The following GOLGA8S variants were observed in gnomAD, a reference collection of about 807,000 sequenced individuals.
The protein encoded by GOLGA8S is golgin A8 family member S, also known as golgin subfamily A member 8S.
A neutral mutation model predicts 58.9 loss-of-function variants in GOLGA8S; 23 were observed. The observed-to-expected ratio is 0.39, with a 90% CI of 0.28 to 0.55. The LOEUF (loss-of-function observed/expected upper bound fraction) is 0.55. GOLGA8S is among the 20% of genes least tolerant of loss of function. The pLI, the probability that GOLGA8S is intolerant of heterozygous loss-of-function variation, is 0.63. For synonymous variants in GOLGA8S, 84 were observed against 195.7 expected, an observed-to-expected ratio of 0.43 and a Z score of 4.76; for missense variants, 266 against 514.2, an observed-to-expected ratio of 0.52 and a Z score of 4.67.
At chr15:23,365,596 C>T (rs2069907401), downstream of GOLGA8S, 1 of 273,206 alleles carries the variant, frequency 3.7e-6, no homozygotes, top group South Asian at 4.0e-5. Context: ...TCTTCGTTAG[C>T]TCAATATGTA....
rs985340420 is a variant in GOLGA8S at position 23,362,764 on chromosome 15, C to T, written c.1180-401C>T. 2.2e-4 allele frequency among the ~76,000 whole-genome samples: 32 copies of T among 143,504 alleles called. 5 individuals carry two copies. The highest frequency in any genetic ancestry group is 6.9e-4 in the Admixed American group (10 of 14,536). 94.1% of individuals were successfully genotyped at this position (143,504 alleles called of 152,430 possible). On this transcript the variant is annotated intron_variant, in intron 13 of 18. Transcript: ENST00000562295. ...AGGCGACAGAGCCCCACAGTGCCCT[C>T]GCTACCCTATTAATGGGCCCAGAAT... is the stretch of plus-strand genomic sequence containing the variant.
downstream of GOLGA8S, chr15:23,365,244 A>G: frequency 8.6e-7 from 1 of 1,159,562 alleles, no homozygotes; most frequent in South Asian, 1.4e-5. Flanking sequence ...AGAGTCACTC[A>G]TGATTATTTG....
exon 19 of GOLGA8S, chr15:23,365,110 T>C: frequency 6.3e-7 from 1 of 1,587,914 alleles, no homozygotes; most frequent in Non-Finnish European, 8.5e-7. Flanking sequence ...TTTGCTGGGC[T>C]TGGCTGCCAA....
Position 23,361,403 on chromosome 15 carries a change from C to T in GOLGA8S, c.1057C>T (p.Gln353Ter), listed in dbSNP as rs1555463353. The T allele has an allele frequency of 3.0e-6, 3 of 992,332 alleles. No homozygotes were observed. Among genetic ancestry groups the T allele is most frequent in the South Asian group, 1.3e-5 (1 of 78,724 alleles). The allele number at this position is 992,332 out of a possible 1,614,324, so 61.5% of individuals were successfully genotyped here. The change falls in exon 12 of 19, where the codon CAG (glutamine) becomes TAG (stop). Residue 353 changes from glutamine (Q) to a stop codon, truncating the protein, a stop_gained. Transcript: ENST00000562295. LOFTEE classifies it high-confidence loss of function. ...GGAGCAGCAGGAGAGGCTTCCAGAGCAGGAGGAGAGGCTTCAGCAGCTGGC... is the reference window on the plus strand; with the variant it reads ...GGAGCAGCAGGAGAGGCTTCCAGAGTAGGAGGAGAGGCTTCAGCAGCTGGC...
chr15:23,364,529 A>T (rs765190024), exon 17 of GOLGA8S: 12 of 1,601,882 alleles, frequency 7.5e-6, no homozygotes, highest in African/African-American at 1.3e-5. Context: ...CCCGCAGGAA[A>T]ATCCATCACC....
chr15:23,364,417 T>G (rs4036680), exon 16 of GOLGA8S: 6 of 1,604,376 alleles, frequency 3.7e-6, no homozygotes, highest in Middle Eastern at 1.7e-4. Flanking sequence ...TTCGCTTCAT[T>G]CAATACTGGC....
chr15:23,362,699 C>G (rs2069822306), intron 13 of GOLGA8S, among the ~76,000 whole-genome samples: 1 of 142,622 alleles, frequency 7.0e-6, no homozygotes, highest in Non-Finnish European at 1.5e-5. Flanking sequence ...GAAAGCAAGG[C>G]AGTCACTTAG....
At chr15:23,364,176 C>T (rs1352513538) in intron 15 of GOLGA8S, among the ~76,000 whole-genome samples, 167 bp from the exon 16 acceptor site, 1 of 143,280 alleles carries the variant, frequency 7.0e-6, no homozygotes, top group Admixed American at 7.2e-5. Context: ...GCCCTGGAGC[C>T]CCAGGGCCTG....
At chr15:23,365,508 A>G (rs1188402122), downstream of GOLGA8S, 2 of 345,752 alleles carry the variant, frequency 5.8e-6, no homozygotes, top group African/African-American at 2.2e-5. Context: ...TTATTGCAGC[A>G]TGTATATTCA....
At chr15:23,361,590 C>A (rs1180234782) in intron 12 of GOLGA8S, 134 bp downstream of exon 12, 1 of 621,248 alleles carries the variant, frequency 1.6e-6, no homozygotes, top group Non-Finnish European at 2.9e-6. Flanking sequence ...CAGAGCCCTG[C>A]TCTGGTGGCT....
exon 18 of GOLGA8S, chr15:23,364,806 A>G (rs1265924081): frequency 1.3e-6 from 2 of 1,518,418 alleles, no homozygotes; most frequent in African/African-American, 1.4e-5. Context: ...GCTGCCCACA[A>G]CCCTGCTGAT....
intron 13 of GOLGA8S, 122 bp downstream of exon 13, chr15:23,361,914 C>A: frequency 1.2e-6 from 1 of 803,306 alleles, no homozygotes; most frequent in Non-Finnish European, 2.1e-6. Flanking sequence ...GTGACCCCAG[C>A]ACCCTCCAGG....
chr15:23,361,341 T>C, exon 12 of GOLGA8S: 1 of 1,178,368 alleles, frequency 8.5e-7, no homozygotes, highest in Non-Finnish European at 1.3e-6. Flanking sequence ...AATCAGCGCA[T>C]AAGTCTCCTG....
chr15:23,361,257 C>T, exon 12 of GOLGA8S: 1 of 1,501,200 alleles, frequency 6.7e-7, no homozygotes, highest in South Asian at 1.1e-5. Flanking sequence ...GCAGTGCCCT[C>T]TGAGGCGGAG....
Position 23,354,980 on chromosome 15 carries a change from G to A in GOLGA8S, c.48+87G>A. ...TGCTGCCAGAGTCCATACCACTCCC[G>A]AGGTTCACCGGACTGGGGCCCCCAC... On this transcript the variant is annotated intron_variant, in intron 1 of 18. Transcript: ENST00000562295. The A allele has an allele frequency of 1.5e-5, 6 of 409,516 alleles. 2 individuals carry two copies. Among genetic ancestry groups the A allele is most frequent in the Non-Finnish European group, 2.8e-5 (6 of 216,482 alleles). The allele number at this position is 409,516 out of a possible 1,614,324, so 25.4% of individuals were successfully genotyped here. A position where few individuals can be genotyped will look rare whatever the true frequency, so the allele number is the denominator to read the frequency against.
chr15:23,361,557 T>C (rs2069804227), intron 12 of GOLGA8S, 101 bp downstream of exon 12: 11 of 654,060 alleles, frequency 1.7e-5, no homozygotes, highest in Non-Finnish European at 2.7e-5. Context: ...AGTGAAATGT[T>C]ACTCCTAAAG....
intron 4 of GOLGA8S, among the ~76,000 whole-genome samples, chr15:23,358,143 A>C (rs1171401095): frequency 7.9e-5 from 12 of 152,228 alleles, no homozygotes; most frequent in Non-Finnish European, 1.8e-4. Flanking sequence ...CGTGCTCAGT[A>C]AATGTTTATT....
chr15:23,366,178 G>A (rs2069919269), downstream of GOLGA8S: 1 of 151,680 alleles, frequency 6.6e-6, no homozygotes, highest in Admixed American at 6.6e-5. Context: ...AATGTCCCTG[G>A]AACAGGCATA....
At chr15:23,359,591 T>C in intron 8 of GOLGA8S, among the ~76,000 whole-genome samples, 1 of 143,380 alleles carries the variant, frequency 7.0e-6, no homozygotes. Flanking sequence ...ATTATGATAA[T>C]ATACATAAAA....
Sources: gnomAD v4.1 joint callset for allele counts (sites outside exome capture counted in the v4.1 genomes callset) on GRCh38, gnomAD v4.1.1 for gene constraint, MANE v1.5 for transcripts, NCBI Gene and HGNC (gene_info 2026-07-23, HGNC 2026-07-21) for gene names.